UBE2E2: variants seen among roughly 807,000 people sequenced by gnomAD.
UBE2E2 encodes ubiquitin conjugating enzyme E2 E2.
A neutral mutation model predicts 24.7 loss-of-function variants in UBE2E2; 6 were observed. The ratio of observed to expected loss-of-function variants is 0.24; its 90% confidence interval spans 0.13 to 0.48. UBE2E2 has a LOEUF of 0.48. Among genes scored for constraint, UBE2E2 ranks in the 20% least tolerant of loss-of-function variants. The pLI, the probability that UBE2E2 is intolerant of heterozygous loss-of-function variation, is 0.99. For missense variants in UBE2E2, 169 were observed against 245.0 expected, an observed-to-expected ratio of 0.69 and a Z score of 2.07; for synonymous variants, 104 against 83.6, an observed-to-expected ratio of 1.24 and a Z score of -1.33.
chr3:23,550,520 A>G (rs1430425818), intron 5 of UBE2E2, among the ~76,000 whole-genome samples: 1 of 152,180 alleles, frequency 6.6e-6, no homozygotes, highest in East Asian at 1.9e-4. Context: ...TTGTCCAGAG[A>G]GTTTTGTTAT....
At chr3:23,374,911 G>A (rs539068481) in intron 3 of UBE2E2, among the ~76,000 whole-genome samples, 1 of 151,980 alleles carries the variant, frequency 6.6e-6, no homozygotes, top group Non-Finnish European at 1.5e-5. Context: ...TGGGATTACA[G>A]GTGCTCACAA....
intron 4 of UBE2E2, among the ~76,000 whole-genome samples, chr3:23,505,481 T>C (rs1466727345): frequency 6.6e-6 from 1 of 152,246 alleles, no homozygotes; most frequent in African/African-American, 2.4e-5. Flanking sequence ...GCTGTGTCCA[T>C]GTTCCTGGGA....
chr3:23,396,307 A>ATATATATATATATGTATATATATACGTG (rs1559371460), intron 3 of UBE2E2, among the ~76,000 whole-genome samples: 17 of 122,192 alleles, frequency 1.4e-4, no homozygotes, highest in African/African-American at 5.0e-4. Context: ...TATTTTTTAT[A>ATATATATATATATGTATATATATACGTG]TATATATATA....
chr3:23,312,689 C>T (rs1575553841), intron 3 of UBE2E2, among the ~76,000 whole-genome samples: 1 of 151,976 alleles, frequency 6.6e-6, no homozygotes, highest in African/African-American at 2.4e-5. Context: ...CTCTTGCTTT[C>T]CTAGTTAAGA....
At chr3:23,224,932 C>A (rs973410921) in intron 3 of UBE2E2, among the ~76,000 whole-genome samples, 10 of 150,248 alleles carry the variant, frequency 6.7e-5, no homozygotes, top group Non-Finnish European at 1.3e-4. Context: ...CAGTTTTTCT[C>A]CACAACTTTG....
chr3:23,386,652 T>G (rs1220312200), intron 3 of UBE2E2, among the ~76,000 whole-genome samples: 1 of 152,236 alleles, frequency 6.6e-6, no homozygotes, highest in African/African-American at 2.4e-5. Flanking sequence ...ACAAGCATAT[T>G]GAAGTGAATT....
At chr3:23,545,729 G>A (rs572836682) in intron 5 of UBE2E2, among the ~76,000 whole-genome samples, 42 of 152,084 alleles carry the variant, frequency 2.8e-4, no homozygotes, top group Non-Finnish European at 5.6e-4. Context: ...TTATCACAGC[G>A]CAATTGACAA....
intron 5 of UBE2E2, among the ~76,000 whole-genome samples, chr3:23,554,968 G>A (rs889303425): frequency 6.6e-6 from 1 of 151,468 alleles, no homozygotes; most frequent in South Asian, 2.1e-4. Context: ...CCAGGCTGGA[G>A]TACAGTGATG....
chr3:23,557,321 G>A (rs1695814995), intron 5 of UBE2E2, among the ~76,000 whole-genome samples: 1 of 152,154 alleles, frequency 6.6e-6, no homozygotes, highest in African/African-American at 2.4e-5. Flanking sequence ...GATTATCATA[G>A]ACTAAGCACT....
chr3:23,403,385 C>T (rs1252633599), intron 3 of UBE2E2, among the ~76,000 whole-genome samples: 1 of 152,168 alleles, frequency 6.6e-6, no homozygotes, highest in African/African-American at 2.4e-5. Context: ...AAATTGCCTA[C>T]GTCAAACGAT....
intron 3 of UBE2E2, among the ~76,000 whole-genome samples, chr3:23,315,857 T>C (rs1378746515): frequency 6.6e-6 from 1 of 152,174 alleles, no homozygotes; most frequent in East Asian, 1.9e-4. Context: ...AGTAATGCTG[T>C]GATTCTTGCA....
intron 3 of UBE2E2, among the ~76,000 whole-genome samples, chr3:23,399,754 T>A (rs973920771): frequency 2.0e-5 from 3 of 152,166 alleles, no homozygotes; most frequent in African/African-American, 4.8e-5. Context: ...GACAACTCAG[T>A]TTTCTTTTCC....
intron 3 of UBE2E2, among the ~76,000 whole-genome samples, chr3:23,491,104 C>G (rs893342387): frequency 1.2e-4 from 18 of 152,158 alleles, no homozygotes; most frequent in Admixed American, 5.9e-4. Context: ...TCTTTTCTAT[C>G]AGCGCTATTA....
intron 3 of UBE2E2, among the ~76,000 whole-genome samples, chr3:23,489,730 C>G (rs1184826706): frequency 6.6e-6 from 1 of 152,150 alleles, no homozygotes; most frequent in Non-Finnish European, 1.5e-5. Flanking sequence ...TCCTAACAGG[C>G]CACGGACTGG....
chr3:23,260,536 C>G (rs1335042085), intron 3 of UBE2E2, among the ~76,000 whole-genome samples: 2 of 152,064 alleles, frequency 1.3e-5, no homozygotes, highest in South Asian at 4.1e-4. Flanking sequence ...AACTTATGGC[C>G]TGTACATGGT....
At chr3:23,282,474 G>A (rs943879050) in intron 3 of UBE2E2, among the ~76,000 whole-genome samples, 2 of 152,062 alleles carry the variant, frequency 1.3e-5, no homozygotes, top group South Asian at 2.1e-4. Context: ...TTCTTGTGTC[G>A]GTAGCTGATA....
intron 2 of UBE2E2, among the ~76,000 whole-genome samples, chr3:23,213,585 A>T (rs1696386978): frequency 6.6e-6 from 1 of 152,002 alleles, no homozygotes; most frequent in African/African-American, 2.4e-5. Flanking sequence ...TATCATACTA[A>T]CCTAAGAGGT....
intron 4 of UBE2E2, among the ~76,000 whole-genome samples, chr3:23,516,049 A>G (rs1376784314): frequency 2.0e-5 from 3 of 152,202 alleles, no homozygotes; most frequent in African/African-American, 4.8e-5. Flanking sequence ...TTCCACTCCA[A>G]AAAAGATGTT....
chr3:23,452,430 G>A (rs935796639), intron 3 of UBE2E2, among the ~76,000 whole-genome samples: 1 of 152,086 alleles, frequency 6.6e-6, no homozygotes, highest in Non-Finnish European at 1.5e-5. Flanking sequence ...TTGGAACATG[G>A]TGTTTTCTTG....
Sources: allele counts gnomAD v4.1 joint callset (sites outside exome capture counted in the v4.1 genomes callset), GRCh38; gene constraint gnomAD v4.1.1; transcripts MANE v1.5; gene names NCBI Gene and HGNC (gene_info 2026-07-23, HGNC 2026-07-21).